Variants in GLCCI1 observed in about 807,000 individuals in gnomAD.
The protein encoded by GLCCI1 is glucocorticoid induced 1.
In GLCCI1, 24 loss-of-function variants were observed where a neutral mutation model predicts 52.2. The ratio of observed to expected loss-of-function variants is 0.46; its 90% CI spans 0.33 to 0.65. The LOEUF (loss-of-function observed/expected upper bound fraction) is 0.65. Among genes scored for constraint, GLCCI1 ranks in the 30% least tolerant of loss-of-function variants. GLCCI1 has a pLI of 0.02. For missense variants in GLCCI1, 704 were observed against 701.5 expected (o/e 1.00, Z -0.04); for synonymous variants, 310 against 276.5 (o/e 1.12, Z -1.20).
intron 1 of GLCCI1, among the ~76,000 whole-genome samples, chr7:7,997,518 T>A (rs2115421492): frequency 6.6e-6 from 1 of 152,312 alleles, no homozygotes; most frequent in African/African-American, 2.4e-5. Context: ...TTGTATTCAG[T>A]CTGATCTTGA....
intron 4 of GLCCI1, 67 bp from the exon 5 acceptor site, chr7:8,060,029 C>T (rs1353974340): frequency 2.4e-6 from 3 of 1,272,620 alleles, no homozygotes; most frequent in East Asian, 5.2e-5. Context: ...TAATATTTAC[C>T]ATACTCTTTA....
chr7:8,038,951 G>T (rs1252725041), intron 3 of GLCCI1, among the ~76,000 whole-genome samples: 3 of 152,042 alleles, frequency 2.0e-5, no homozygotes, highest in Admixed American at 1.3e-4. Context: ...AGTGGATAAA[G>T]GACATGAACA....
intron 2 of GLCCI1, among the ~76,000 whole-genome samples, chr7:8,014,604 G>C (rs746492596): frequency 6.6e-6 from 1 of 151,994 alleles, no homozygotes; most frequent in Non-Finnish European, 1.5e-5. Context: ...TCCTTCCTCT[G>C]TGCTCTAGCA....
chr7:8,083,737 C>T (rs1783044018), intron 6 of GLCCI1, among the ~76,000 whole-genome samples: 1 of 151,488 alleles, frequency 6.6e-6, no homozygotes, highest in African/African-American at 2.4e-5. Flanking sequence ...GGTTTCCCAG[C>T]CAAAGTTATA....
rs940148324 is a variant in GLCCI1 at position 8,088,236 on chromosome 7, ATGTTTG to A, written c.*1702_*1707del. 1 of 89,324 alleles carries A rather than the reference ATGTTTG, an allele frequency of 1.1e-5. No homozygotes were observed. Among genetic ancestry groups the A allele is most frequent in the South Asian group, 3.3e-4 (1 of 3,026 alleles). The allele number at this position is 89,324 out of a possible 1,614,324, so 5.5% of individuals were successfully genotyped here. Reference sequence around the variant, plus strand: ...TTTAAGAAATGATATATATATGTATATGTTTGTGTGTGTGTGTGTGTGTGTGTGTGT... The same window carrying A: ...TTTAAGAAATGATATATATATGTATATGTGTGTGTGTGTGTGTGTGTGTGT... On this transcript the variant is annotated 3_prime_UTR_variant, in exon 8 of 8. Coordinates refer to ENST00000223145, the MANE Select transcript of GLCCI1 (RefSeq NM_138426.4).
intron 4 of GLCCI1, among the ~76,000 whole-genome samples, chr7:8,059,677 G>A: frequency 6.6e-6 from 1 of 152,134 alleles, no homozygotes; most frequent in East Asian, 1.9e-4. Flanking sequence ...GAACGTAATT[G>A]TCACCATACA....
At chr7:7,994,686 A>G (rs1780905006) in intron 1 of GLCCI1, among the ~76,000 whole-genome samples, 1 of 152,224 alleles carries the variant, frequency 6.6e-6, no homozygotes, top group Non-Finnish European at 1.5e-5. Context: ...TGGAGGGGAC[A>G]TTCAAGTGTA....
intron 6 of GLCCI1, among the ~76,000 whole-genome samples, chr7:8,083,110 G>C (rs1469528710): frequency 6.6e-6 from 1 of 152,016 alleles, no homozygotes; most frequent in Non-Finnish European, 1.5e-5. Context: ...ATATCTACTT[G>C]TATTTTTTTA....
chr7:8,087,446 C>T lies in GLCCI1; in HGVS notation c.*908C>T, dbSNP rs1323294650. The T allele has an allele frequency of 2.6e-5, 4 of 152,598 alleles. No individual in the cohort carries two copies. Among genetic ancestry groups the T allele is most frequent in the Non-Finnish European group, 5.9e-5 (4 of 68,040 alleles). The allele number at this position is 152,598 out of a possible 1,614,324, so 9.5% of individuals were successfully genotyped here. A position where few individuals can be genotyped will look rare whatever the true frequency, so the allele number is the denominator to read the frequency against. ...TACTGGACTGTACATAAACATTCCACATTGTGTGTGATGAAATTTAAAGAC... is the reference window on the plus strand; with the variant it reads ...TACTGGACTGTACATAAACATTCCATATTGTGTGTGATGAAATTTAAAGAC... On this transcript the variant is annotated 3_prime_UTR_variant, in exon 8 of 8. Transcript: ENST00000223145.
At chr7:8,012,863 A>T (rs1292163991) in intron 2 of GLCCI1, among the ~76,000 whole-genome samples, 1 of 152,182 alleles carries the variant, frequency 6.6e-6, no homozygotes, top group Non-Finnish European at 1.5e-5. Flanking sequence ...ATCCTTGCCA[A>T]ATCCAGTGTC....
intron 3 of GLCCI1, among the ~76,000 whole-genome samples, chr7:8,023,702 G>A (rs748671939): frequency 1.4e-5 from 2 of 142,624 alleles, no homozygotes; most frequent in East Asian, 2.2e-4. Context: ...AGGTTCAAGC[G>A]ATTCTCCTGC....
chr7:8,052,392 G>A (rs1354507451), intron 3 of GLCCI1, among the ~76,000 whole-genome samples: 5 of 152,154 alleles, frequency 3.3e-5, no homozygotes, highest in Non-Finnish European at 7.4e-5. Context: ...CTTAAGTTGT[G>A]GGGAGCTGAC....
chr7:7,986,097 C>G (rs1165348151), intron 1 of GLCCI1, among the ~76,000 whole-genome samples: 1 of 152,068 alleles, frequency 6.6e-6, no homozygotes, highest in Non-Finnish European at 1.5e-5. Flanking sequence ...TTATCTTCTT[C>G]TTGATCCTGT....
At chr7:8,057,811 G>T (rs776715730) in intron 4 of GLCCI1, among the ~76,000 whole-genome samples, 1 of 152,046 alleles carries the variant, frequency 6.6e-6, no homozygotes, top group Non-Finnish European at 1.5e-5. Context: ...TAGATCACTT[G>T]ACTGAACAAA....
intron 1 of GLCCI1, among the ~76,000 whole-genome samples, chr7:8,000,401 G>C (rs971555669): frequency 7.2e-5 from 11 of 152,108 alleles, no homozygotes; most frequent in Non-Finnish European, 1.6e-4. Flanking sequence ...ATGATGTGGG[G>C]AGGAGGTAAA....
chr7:8,027,514 C>T (rs548339862), intron 3 of GLCCI1, among the ~76,000 whole-genome samples: 3 of 151,274 alleles, frequency 2.0e-5, no homozygotes, highest in Non-Finnish European at 3.0e-5. Context: ...AGGCATACCA[C>T]CACAAAAAAA....
intron 3 of GLCCI1, among the ~76,000 whole-genome samples, chr7:8,035,945 A>G (rs968541092): frequency 1.6e-4 from 25 of 152,134 alleles, no homozygotes; most frequent in African/African-American, 6.0e-4. Flanking sequence ...GTTTAGCTCT[A>G]CCCAGCTTTG....
At chr7:8,003,143 A>T (rs1284306357) in intron 1 of GLCCI1, among the ~76,000 whole-genome samples, 3 of 152,180 alleles carry the variant, frequency 2.0e-5, no homozygotes. Context: ...GTTTAAACTT[A>T]TGTTGTGATG....
chr7:8,081,473 C>A (rs1200053820), intron 6 of GLCCI1, among the ~76,000 whole-genome samples: 2 of 152,284 alleles, frequency 1.3e-5, no homozygotes, highest in East Asian at 3.9e-4. Flanking sequence ...AATGAATCAA[C>A]CTTTATATAT....
Sources: allele counts gnomAD v4.1 joint callset (sites outside exome capture counted in the v4.1 genomes callset), GRCh38; gene constraint gnomAD v4.1.1; transcripts MANE v1.5; gene names NCBI Gene and HGNC (gene_info 2026-07-23, HGNC 2026-07-21).